The following CWC27 variants were observed in gnomAD, a reference collection of about 807,000 sequenced individuals.
The protein encoded by CWC27 is spliceosome-associated protein CWC27 homolog.
In CWC27, 47 loss-of-function variants were observed where a neutral mutation model predicts 63.6. The ratio of observed to expected loss-of-function variants is 0.74; its 90% CI spans 0.58 to 0.94. The LOEUF is 0.94. Among genes scored for constraint, CWC27 ranks in the 40% least tolerant of loss-of-function variants. The pLI, the probability that CWC27 is intolerant of heterozygous loss-of-function variation, is 0.00. For synonymous variants in CWC27, 175 were observed against 179.8 expected, an observed-to-expected ratio of 0.97 and a Z score of 0.22; for missense variants, 495 against 554.3, an observed-to-expected ratio of 0.89 and a Z score of 1.07.
At chr5:64,788,208 T>C (rs1743950619) in intron 6 of CWC27, among the ~76,000 whole-genome samples, 1 of 152,124 alleles carries the variant, frequency 6.6e-6, no homozygotes, top group Non-Finnish European at 1.5e-5. Flanking sequence ...CACTATGATT[T>C]ATCTTAACAA....
intron 11 of CWC27, among the ~76,000 whole-genome samples, chr5:64,940,280 G>A (rs1326239733): frequency 1.3e-5 from 2 of 152,158 alleles, no homozygotes; most frequent in Non-Finnish European, 2.9e-5. Flanking sequence ...TTTGGGTTGC[G>A]AAGACTGTGG....
intron 11 of CWC27, among the ~76,000 whole-genome samples, chr5:64,939,084 C>A (rs189091156): frequency 6.6e-6 from 1 of 152,086 alleles, no homozygotes; most frequent in Non-Finnish European, 1.5e-5. Context: ...TTTGTTATTA[C>A]CCGCCTTCTG....
At chr5:64,879,373 A>G (rs1561444467) in intron 10 of CWC27, among the ~76,000 whole-genome samples, 1 of 151,948 alleles carries the variant, frequency 6.6e-6, no homozygotes, top group Non-Finnish European at 1.5e-5. Context: ...TTGATTTTAT[A>G]TGTTGGGTGC....
At chr5:64,821,449 A>G (rs1204550852) in intron 10 of CWC27, among the ~76,000 whole-genome samples, 1 of 152,240 alleles carries the variant, frequency 6.6e-6, no homozygotes, top group African/African-American at 2.4e-5. Flanking sequence ...GAGATGGACT[A>G]TTAAGCCAAA....
chr5:64,774,197 C>G (rs1315871018), intron 1 of CWC27, among the ~76,000 whole-genome samples: 1 of 152,112 alleles, frequency 6.6e-6, no homozygotes, highest in Admixed American at 6.6e-5. Context: ...GCTCTGTCAT[C>G]CAGGCTGGAA....
intron 7 of CWC27, among the ~76,000 whole-genome samples, chr5:64,795,761 C>T (rs1022295135): frequency 6.6e-6 from 1 of 152,012 alleles, no homozygotes; most frequent in African/African-American, 2.4e-5. Context: ...GTCTCTTTTG[C>T]CATGTAAGGT....
chr5:64,778,290 G>T (rs1736175870), intron 2 of CWC27, among the ~76,000 whole-genome samples: 1 of 151,946 alleles, frequency 6.6e-6, no homozygotes, highest in South Asian at 2.1e-4. Flanking sequence ...GCATGCACTT[G>T]CGCTGTCTCT....
chr5:64,917,788 A>C (rs959661957), intron 11 of CWC27, among the ~76,000 whole-genome samples: 8 of 152,146 alleles, frequency 5.3e-5, no homozygotes, highest in African/African-American at 1.9e-4. Flanking sequence ...TCAGACTGGA[A>C]CTTACACTAT....
In CWC27 at chr5:64,800,276, A is replaced by G. The variant is rs1396301525; in HGVS notation, c.698A>G (p.His233Arg). Residue 233 changes from histidine to arginine, a missense_variant, in exon 8 of 14, where the codon CAT becomes CGT. His to Arg is a conservative substitution (Grantham distance 29). Transcript: ENST00000381070. ...ATGAAGGGCAAAAGCAAAAGTAGTC[A>G]TGACTTGCTTAAGGATGATCCACAT... ...QSMKGKSKSS[H>R]DLLKDDPHLS... 1 of 1,612,842 alleles carries G rather than the reference A, an allele frequency of 6.2e-7. No individual in the cohort carries two copies. Among genetic ancestry groups the G allele is most frequent in the South Asian group, 1.1e-5 (1 of 90,980 alleles).
intron 10 of CWC27, among the ~76,000 whole-genome samples, chr5:64,877,530 A>G (rs1746822610): frequency 6.6e-6 from 1 of 151,990 alleles, no homozygotes; most frequent in Admixed American, 6.6e-5. Context: ...AATGGATTGT[A>G]TACTTCAAAA....
intron 10 of CWC27, among the ~76,000 whole-genome samples, chr5:64,862,210 C>T (rs967115825): frequency 1.3e-5 from 2 of 152,168 alleles, no homozygotes; most frequent in South Asian, 4.1e-4. Flanking sequence ...CACTGCCTAC[C>T]TGACAATGTA....
At chr5:64,804,842 AATACCATATACCTATC>A (rs1173081631) in intron 10 of CWC27, 6 of 152,876 alleles carry the variant, frequency 3.9e-5, no homozygotes, top group Non-Finnish European at 7.3e-5. Flanking sequence ...TGATTTACCA[AATACCATATACCTATC>A]CTAAGCTCAG....
intron 12 of CWC27, among the ~76,000 whole-genome samples, chr5:64,974,444 A>T (rs546066186): frequency 2.6e-5 from 4 of 152,242 alleles, no homozygotes; most frequent in African/African-American, 9.6e-5. Flanking sequence ...GAGGAAGAAG[A>T]AAAAGTGGAA....
chr5:64,805,459 TTCACACTG>T (rs1402015602), intron 10 of CWC27, among the ~76,000 whole-genome samples: 3 of 151,918 alleles, frequency 2.0e-5, no homozygotes, highest in Non-Finnish European at 4.4e-5. Context: ...AAACCTCTCA[TTCACACTG>T]TAACTTTTAG....
At chr5:64,851,314 C>T (rs1160421502) in intron 10 of CWC27, among the ~76,000 whole-genome samples, 1 of 152,018 alleles carries the variant, frequency 6.6e-6, no homozygotes, top group Non-Finnish European at 1.5e-5. Context: ...AGACAAATAC[C>T]CTGTGTTCTC....
At chr5:64,820,700 A>G (rs765786712) in intron 10 of CWC27, among the ~76,000 whole-genome samples, 1 of 152,190 alleles carries the variant, frequency 6.6e-6, no homozygotes, top group Non-Finnish European at 1.5e-5. Context: ...CTTTCAACAA[A>G]TGGTACTGGA....
intron 10 of CWC27, among the ~76,000 whole-genome samples, chr5:64,847,451 T>C (rs968199811): frequency 6.6e-6 from 1 of 152,210 alleles, no homozygotes; most frequent in Non-Finnish European, 1.5e-5. Context: ...GGGACTTCTA[T>C]ACCTCACTTT....
At chr5:65,000,968 C>A (rs1281501859) in intron 13 of CWC27, among the ~76,000 whole-genome samples, 1 of 151,822 alleles carries the variant, frequency 6.6e-6, no homozygotes, top group East Asian at 1.9e-4. Context: ...CAGAGGATGT[C>A]TTTTCATTTG....
chr5:64,811,433 A>G (rs965483467), intron 10 of CWC27, among the ~76,000 whole-genome samples: 2 of 152,206 alleles, frequency 1.3e-5, no homozygotes, highest in Non-Finnish European at 2.9e-5. Flanking sequence ...AATTTCTATC[A>G]TCTATAATTT....
Sources: gnomAD v4.1 joint callset for allele counts (sites outside exome capture counted in the v4.1 genomes callset) on GRCh38, gnomAD v4.1.1 for gene constraint, MANE v1.5 for transcripts, NCBI Gene and HGNC (gene_info 2026-07-23, HGNC 2026-07-21) for gene names.